Variants in RIGI observed in about 807,000 individuals in gnomAD.
RIGI encodes the protein RNA sensor RIG-I, also known as antiviral innate immune response receptor RIG-I.
chr9:32,474,912 A>C, the RIGI span, among the ~76,000 whole-genome samples: 559 of 152,302 alleles, frequency 3.7e-3, 3 homozygotes, highest in African/African-American at 0.013. Flanking sequence ...CAATATTGTC[A>C]AGATGTCATT....
At chr9:32,498,496 T>C in the RIGI span, among the ~76,000 whole-genome samples, 1 of 152,178 alleles carries the variant, frequency 6.6e-6, no homozygotes, top group Non-Finnish European at 1.5e-5. Flanking sequence ...CAACCCTTTA[T>C]GAAAAATAAA....
the RIGI span, chr9:32,480,342 C>G: frequency 6.3e-7 from 1 of 1,593,964 alleles, no homozygotes; most frequent in Non-Finnish European, 8.6e-7. Context: ...ATAATGAGGG[C>G]ATCATTATAT....
the RIGI span, chr9:32,526,188 G>A: frequency 6.3e-7 from 1 of 1,597,956 alleles, no homozygotes. Context: ...CTTGCAGCTA[G>A]CTACGTTCCC....
At chr9:32,507,037 GA>G in the RIGI span, among the ~76,000 whole-genome samples, 1 of 152,118 alleles carries the variant, frequency 6.6e-6, no homozygotes, top group African/African-American at 2.4e-5. Flanking sequence ...ATGCTATTTT[GA>G]AATTCTGTGA....
the RIGI span, among the ~76,000 whole-genome samples, chr9:32,517,403 T>G: frequency 6.6e-6 from 1 of 152,244 alleles, no homozygotes. Flanking sequence ...TTTATCTAGA[T>G]GTACATTAAC....
At chr9:32,474,387 T>C in the RIGI span, among the ~76,000 whole-genome samples, 1 of 152,128 alleles carries the variant, frequency 6.6e-6, no homozygotes, top group Non-Finnish European at 1.5e-5. Flanking sequence ...ATCTCCACCT[T>C]CTGTATTCAG....
the RIGI span, among the ~76,000 whole-genome samples, chr9:32,465,851 C>T: frequency 6.6e-6 from 1 of 152,186 alleles, no homozygotes; most frequent in Admixed American, 6.5e-5. Context: ...AAGGTCATTA[C>T]ACTAAGAGGT....
At chr9:32,513,647 C>A in the RIGI span, among the ~76,000 whole-genome samples, 1 of 152,164 alleles carries the variant, frequency 6.6e-6, no homozygotes, top group Non-Finnish European at 1.5e-5. Flanking sequence ...CTAGGCAATA[C>A]CATTCAGGAC....
the RIGI span, among the ~76,000 whole-genome samples, chr9:32,473,943 G>A: frequency 3.9e-5 from 6 of 152,276 alleles, no homozygotes; most frequent in South Asian, 4.1e-4. Flanking sequence ...CAAGAGAATC[G>A]CTTGAACCGG....
At chr9:32,497,381 T>C in the RIGI span, among the ~76,000 whole-genome samples, 2 of 152,232 alleles carry the variant, frequency 1.3e-5, no homozygotes, top group Non-Finnish European at 2.9e-5. Flanking sequence ...GAGGTGTTGA[T>C]TTTGTGTCCT....
the RIGI span, among the ~76,000 whole-genome samples, chr9:32,506,319 C>A: frequency 6.6e-6 from 1 of 152,164 alleles, no homozygotes; most frequent in Non-Finnish European, 1.5e-5. Flanking sequence ...TGTACTAACC[C>A]TCCATCGATA....
At chr9:32,458,750 A>T in the RIGI span, among the ~76,000 whole-genome samples, 1 of 152,188 alleles carries the variant, frequency 6.6e-6, no homozygotes, top group Non-Finnish European at 1.5e-5. Context: ...CATATACCAC[A>T]GCACATTTGT....
the RIGI span, among the ~76,000 whole-genome samples, chr9:32,501,879 G>A: frequency 2.0e-5 from 3 of 152,138 alleles, no homozygotes; most frequent in South Asian, 6.2e-4. Context: ...TCTCTGCCAA[G>A]GTCTCTGTCT....
chr9:32,456,937 A>G, the RIGI span: 1 of 565,912 alleles, frequency 1.8e-6, no homozygotes, highest in Middle Eastern at 4.8e-4. Flanking sequence ...TGGCCTACAA[A>G]ATACTCAGTG....
chr9:32,464,052 C>T, the RIGI span, among the ~76,000 whole-genome samples: 4 of 151,320 alleles, frequency 2.6e-5, no homozygotes, highest in African/African-American at 4.9e-5. Flanking sequence ...AATTCTGGGG[C>T]GGGGGATGGG....
chr9:32,489,370 T>C, the RIGI span: 2 of 1,613,038 alleles, frequency 1.2e-6, no homozygotes, highest in South Asian at 1.1e-5. Context: ...TATTGTGTTT[T>C]TTCCTTTCAT....
the RIGI span, among the ~76,000 whole-genome samples, chr9:32,521,161 A>AAAAAAAAC: frequency 6.6e-6 from 1 of 150,634 alleles, no homozygotes; most frequent in African/African-American, 2.4e-5. Flanking sequence ...AAAAAAAAAA[A>AAAAAAAAC]ACTTCACAGA....
the RIGI span, chr9:32,480,454 CTT>C: frequency 1.6e-6 from 2 of 1,221,516 alleles, no homozygotes; most frequent in Non-Finnish European, 2.2e-6. Context: ...TTTAAGAAAA[CTT>C]TTCTTTTCAA....
the RIGI span, chr9:32,456,237 T>G: frequency 6.6e-6 from 1 of 152,114 alleles, no homozygotes; most frequent in South Asian, 2.1e-4. Context: ...AGAGAACATA[T>G]TAATAGGGCA....
Sources: gnomAD v4.1 joint callset for allele counts (sites outside exome capture counted in the v4.1 genomes callset) on GRCh38, gnomAD v4.1.1 for gene constraint, MANE v1.5 for transcripts, NCBI Gene and HGNC (gene_info 2026-07-23, HGNC 2026-07-21) for gene names.